CCDC150: variants seen among roughly 807,000 people sequenced by gnomAD.
The protein encoded by CCDC150 is coiled-coil domain-containing protein 150.
A neutral mutation model predicts 156.5 loss-of-function variants in CCDC150; 151 were observed. The ratio of observed to expected loss-of-function variants is 0.97; its 90% confidence interval spans 0.85 to 1.10. The LOEUF (loss-of-function observed/expected upper bound fraction) is 1.10, where lower values mean the gene tolerates loss of function less well. CCDC150 is among the 50% of genes least tolerant of loss of function. The pLI, the probability that CCDC150 is intolerant of heterozygous loss-of-function variation, is 0.00. For missense variants in CCDC150, 1,312 were observed against 1,268.1 expected, an observed-to-expected ratio of 1.03 and a Z score of -0.53; for synonymous variants, 452 against 429.4, an observed-to-expected ratio of 1.05 and a Z score of -0.65.
At chr2:196,671,762 C>A (rs565627678) in intron 8 of CCDC150, among the ~76,000 whole-genome samples, 29 of 152,168 alleles carry the variant, frequency 1.9e-4, no homozygotes, top group African/African-American at 6.7e-4. Context: ...GAATAATATT[C>A]CTTTGTCTGG....
chr2:196,678,682 C>A (rs1694646751), intron 13 of CCDC150, among the ~76,000 whole-genome samples: 1 of 152,118 alleles, frequency 6.6e-6, no homozygotes, highest in Admixed American at 6.6e-5. Flanking sequence ...GCAGGCAGAT[C>A]ACTTGAGGCC....
chr2:196,657,441 A>G, intron 4 of CCDC150: 1 of 250,518 alleles, frequency 4.0e-6, no homozygotes. Flanking sequence ...TGGGAGAACA[A>G]GCTACAGCAT....
At chr2:196,658,927 A>G in intron 5 of CCDC150, 67 bp downstream of exon 5, 1 of 1,084,744 alleles carries the variant, frequency 9.2e-7, no homozygotes, top group Non-Finnish European at 1.3e-6. Context: ...GAAAGCAGAG[A>G]GAATGAAAAG....
At chr2:196,699,083 A>G (rs1238037377) in intron 14 of CCDC150, among the ~76,000 whole-genome samples, 2 of 152,248 alleles carry the variant, frequency 1.3e-5, no homozygotes, top group Non-Finnish European at 2.9e-5. Context: ...TTCCGCAAAA[A>G]TTAATCAATG....
intron 4 of CCDC150, among the ~76,000 whole-genome samples, chr2:196,657,732 A>G (rs1198686625): frequency 1.3e-5 from 2 of 152,192 alleles, no homozygotes; most frequent in East Asian, 3.9e-4. Context: ...ATGTCTAGGC[A>G]ATGTAATGGA....
intron 20 of CCDC150, among the ~76,000 whole-genome samples, 157 bp downstream of exon 20, chr2:196,720,825 C>T (rs539602383): frequency 6.6e-6 from 1 of 152,200 alleles, no homozygotes; most frequent in South Asian, 2.1e-4. Flanking sequence ...GGAAATTGAC[C>T]TGTCTTACAA....
intron 21 of CCDC150, among the ~76,000 whole-genome samples, chr2:196,724,361 TAAAATTA>T (rs1218411833): frequency 6.6e-6 from 1 of 152,158 alleles, no homozygotes; most frequent in Non-Finnish European, 1.5e-5. Context: ...AGAGAAATTT[TAAAATTA>T]AAAATTAAAG....
At position 196,689,320 on chromosome 2, in the gene CCDC150, G is replaced by A. The variant is rs1325015861; in HGVS notation, c.1510-5726G>A. Among the ~76,000 whole-genome samples the A allele has an allele frequency of 2.8e-3, 421 of 152,038 alleles. 7 individuals carry two copies. Among genetic ancestry groups the A allele is most frequent in the Non-Finnish European group, 3.8e-4 (26 of 67,986 alleles). ...GCTTGATGGGGATGGCATTGAATCTGTAAATTACCTTGGGCAGTATGGCCA... is the reference window on the plus strand; with the variant it reads ...GCTTGATGGGGATGGCATTGAATCTATAAATTACCTTGGGCAGTATGGCCA... On this transcript the variant is annotated intron_variant, in intron 13 of 27. Coordinates refer to ENST00000389175, the MANE Select transcript of CCDC150 (RefSeq NM_001080539.2).
intron 15 of CCDC150, among the ~76,000 whole-genome samples, chr2:196,702,742 G>T (rs1696323997): frequency 1.3e-5 from 2 of 151,748 alleles, no homozygotes; most frequent in African/African-American, 2.4e-5. Context: ...GTGAAGCCCA[G>T]TTAGGCTTGG....
At chr2:196,651,834 C>A (rs751221851) in intron 2 of CCDC150, among the ~76,000 whole-genome samples, 1 of 152,156 alleles carries the variant, frequency 6.6e-6, no homozygotes, top group Non-Finnish European at 1.5e-5. Flanking sequence ...GTTCTGCAGG[C>A]TGTAAAAACA....
At chr2:196,728,154 G>A (rs1213500748) in intron 22 of CCDC150, 4 of 152,194 alleles carry the variant, frequency 2.6e-5, no homozygotes, top group African/African-American at 9.7e-5. Context: ...CCTGAGTCAA[G>A]TTTGTCTTGA....
intron 13 of CCDC150, among the ~76,000 whole-genome samples, chr2:196,677,885 G>T (rs1037635472): frequency 6.6e-6 from 1 of 152,100 alleles, no homozygotes; most frequent in Non-Finnish European, 1.5e-5. Flanking sequence ...AGCTACTCGG[G>T]AGGCTGAGGC....
intron 14 of CCDC150, among the ~76,000 whole-genome samples, 175 bp from the exon 15 acceptor site, chr2:196,700,934 A>G (rs1017411989): frequency 2.0e-5 from 3 of 152,256 alleles, no homozygotes; most frequent in African/African-American, 7.2e-5. Context: ...TACATGTTGC[A>G]TATTAGCCCT....
chr2:196,689,804 G>A (rs1173000279), intron 13 of CCDC150, among the ~76,000 whole-genome samples: 9 of 152,172 alleles, frequency 5.9e-5, no homozygotes, highest in Non-Finnish European at 1.2e-4. Context: ...TGGTGAGAGA[G>A]GGCATCCCTG....
Position 196,701,039 on chromosome 2 carries a change from T to A in CCDC150, c.1624-70T>A, listed in dbSNP as rs1048387996. ...ATAGAAATGGTAAGGATGTAAATACTTGTTTAAAAATGAAAATGGTTATTC... is the reference window on the plus strand; with the variant it reads ...ATAGAAATGGTAAGGATGTAAATACATGTTTAAAAATGAAAATGGTTATTC... On this transcript the variant is annotated intron_variant, in intron 14 of 27. Transcript: ENST00000389175. The A allele has an allele frequency of 5.2e-6, 5 of 967,936 alleles. No homozygotes were observed. In the African/African-American group the frequency reaches 8.3e-5, roughly 16 times the overall value. The allele number at this position is 967,936 out of a possible 1,614,324, so 60.0% of individuals were successfully genotyped here. A position where few individuals can be genotyped will look rare whatever the true frequency, so the allele number is the denominator to read the frequency against.
At chr2:196,684,261 T>C (rs1222895700) in intron 13 of CCDC150, among the ~76,000 whole-genome samples, 2 of 152,170 alleles carry the variant, frequency 1.3e-5, no homozygotes, top group Non-Finnish European at 2.9e-5. Context: ...TTCATTTTTG[T>C]TTATCTCAAA....
At chr2:196,667,100 G>A (rs977485861) in intron 7 of CCDC150, 5 of 479,142 alleles carry the variant, frequency 1.0e-5, no homozygotes, top group South Asian at 2.8e-5. Context: ...TGTGGACCTG[G>A]GAATATTTGG....
At chr2:196,707,198 C>G (rs1696712947) in intron 15 of CCDC150, among the ~76,000 whole-genome samples, 1 of 152,098 alleles carries the variant, frequency 6.6e-6, no homozygotes, top group African/African-American at 2.4e-5. Flanking sequence ...TGCTATTGGT[C>G]TATTTAGAAG....
chr2:196,644,622 A>G (rs921873333), intron 1 of CCDC150, among the ~76,000 whole-genome samples: 5 of 152,162 alleles, frequency 3.3e-5, no homozygotes, highest in African/African-American at 9.7e-5. Flanking sequence ...GACTGCATCA[A>G]TATCTGCATG....
Sources: allele counts gnomAD v4.1 joint callset (sites outside exome capture counted in the v4.1 genomes callset), GRCh38; gene constraint gnomAD v4.1.1; transcripts MANE v1.5; gene names NCBI Gene and HGNC (gene_info 2026-07-23, HGNC 2026-07-21).